Variants in AGBL1 observed in about 807,000 individuals in gnomAD.
AGBL1 encodes AGBL carboxypeptidase 1, also known as cytosolic carboxypeptidase 4.
In AGBL1, 130 loss-of-function variants were observed where a neutral mutation model predicts 118.9. The observed-to-expected ratio is 1.09, with a 90% CI of 0.95 to 1.26. The LOEUF (loss-of-function observed/expected upper bound fraction) is 1.26. AGBL1 is among the 50% of genes most tolerant of loss of function. AGBL1 has a pLI of 0.00. For synonymous variants in AGBL1, 555 were observed against 478.9 expected (o/e 1.16, Z -2.08); for missense variants, 1,584 against 1,298.1 (o/e 1.22, Z -3.38).
intron 18 of AGBL1, among the ~76,000 whole-genome samples, chr15:86,465,682 C>G (rs1367258032): frequency 6.6e-6 from 1 of 152,130 alleles, no homozygotes; most frequent in Non-Finnish European, 1.5e-5. Context: ...CTCCTGCACA[C>G]CCCCAGGCTT....
intron 18 of AGBL1, among the ~76,000 whole-genome samples, chr15:86,505,815 T>C (rs116253653): frequency 0.022 from 3,402 of 152,112 alleles, 69 homozygotes; most frequent in Middle Eastern, 0.071. Flanking sequence ...ATTTTCTGTG[T>C]ATAGCCTATG....
chr15:86,719,554 C>G (rs2086686347), intron 22 of AGBL1, among the ~76,000 whole-genome samples: 1 of 152,098 alleles, frequency 6.6e-6, no homozygotes, highest in African/African-American at 2.4e-5. Context: ...CATCCTGAAG[C>G]TTTTCTCTCA....
chr15:86,539,539 A>C (rs2083467255), intron 19 of AGBL1, among the ~76,000 whole-genome samples: 1 of 152,174 alleles, frequency 6.6e-6, no homozygotes, highest in Non-Finnish European at 1.5e-5. Flanking sequence ...ACCTTCAAGA[A>C]AATGTCTCAA....
chr15:86,532,199 A>C (rs2083359459), intron 19 of AGBL1, among the ~76,000 whole-genome samples: 1 of 150,146 alleles, frequency 6.7e-6, no homozygotes, highest in South Asian at 2.1e-4. Context: ...ATGATTGTTT[A>C]TCTAGAAAAC....
At chr15:86,428,180 G>A (rs369191293) in intron 18 of AGBL1, among the ~76,000 whole-genome samples, 12 of 152,166 alleles carry the variant, frequency 7.9e-5, no homozygotes, top group African/African-American at 2.9e-4. Context: ...CATGAAGGTG[G>A]AATTTTACAT....
intron 22 of AGBL1, among the ~76,000 whole-genome samples, chr15:86,869,235 A>T (rs1162577139): frequency 6.6e-6 from 1 of 152,142 alleles, no homozygotes; most frequent in South Asian, 2.1e-4. Flanking sequence ...GGTGGGAGAT[A>T]GAGACACAAG....
intron 22 of AGBL1, among the ~76,000 whole-genome samples, chr15:86,761,625 T>C (rs1238716850): frequency 6.6e-6 from 1 of 152,106 alleles, no homozygotes; most frequent in Non-Finnish European, 1.5e-5. Context: ...ATTTGGCATA[T>C]AAAAAAGAGG....
intron 17 of AGBL1, among the ~76,000 whole-genome samples, chr15:86,389,799 GA>G (rs571145584): frequency 9.9e-5 from 15 of 150,794 alleles, no homozygotes; most frequent in African/African-American, 3.2e-4. Flanking sequence ...TAATAGAGGA[GA>G]AAAAAGAAAC....
chr15:86,244,051 ATAG>A (rs542176724), intron 6 of AGBL1, among the ~76,000 whole-genome samples: 9 of 101,412 alleles, frequency 8.9e-5, no homozygotes, highest in Middle Eastern at 3.8e-3. Context: ...AGATAGATAG[ATAG>A]ATAAATAAGT....
intron 6 of AGBL1, among the ~76,000 whole-genome samples, chr15:86,234,762 T>C (rs892133138): frequency 6.6e-6 from 1 of 152,142 alleles, no homozygotes; most frequent in African/African-American, 2.4e-5. Context: ...CAAGGTGATG[T>C]TTAAAAGAGT....
At chr15:86,683,503 C>T (rs2085999000) in intron 22 of AGBL1, among the ~76,000 whole-genome samples, 1 of 152,100 alleles carries the variant, frequency 6.6e-6, no homozygotes, top group African/African-American at 2.4e-5. Flanking sequence ...GCCTATTTTA[C>T]AAGTGACTCC....
At chr15:86,143,169 G>A (rs1800207896) in intron 2 of AGBL1, among the ~76,000 whole-genome samples, 1 of 152,134 alleles carries the variant, frequency 6.6e-6, no homozygotes, top group African/African-American at 2.4e-5. Flanking sequence ...TAGGATGATT[G>A]GATGTTTCTT....
chr15:86,126,188 G>T (rs1288637147), intron 1 of AGBL1, among the ~76,000 whole-genome samples: 1 of 151,558 alleles, frequency 6.6e-6, no homozygotes, highest in Non-Finnish European at 1.5e-5. Context: ...TTATAACCAC[G>T]CCTGCTGACA....
intron 22 of AGBL1, among the ~76,000 whole-genome samples, chr15:86,807,143 G>T (rs1462653751): frequency 1.3e-5 from 2 of 152,128 alleles, no homozygotes; most frequent in Non-Finnish European, 2.9e-5. Flanking sequence ...GGTGGGTAAA[G>T]ATCTAAATAA....
At chr15:86,828,499 T>C (rs982492102) in intron 22 of AGBL1, among the ~76,000 whole-genome samples, 7 of 152,156 alleles carry the variant, frequency 4.6e-5, no homozygotes, top group Middle Eastern at 3.4e-3. Flanking sequence ...GAAAGCACTG[T>C]GGTGACAGGA....
At chr15:86,333,585 G>T (rs989194109) in intron 17 of AGBL1, among the ~76,000 whole-genome samples, 13 of 152,114 alleles carry the variant, frequency 8.5e-5, no homozygotes, top group African/African-American at 2.7e-4. Flanking sequence ...TGGATTCACA[G>T]CAGAATTCTA....
intron 17 of AGBL1, among the ~76,000 whole-genome samples, chr15:86,395,339 C>T (rs140754584): frequency 6.6e-6 from 1 of 152,106 alleles, no homozygotes; most frequent in Non-Finnish European, 1.5e-5. Context: ...TCAGAAGACC[C>T]TCCTCACCGT....
intron 1 of AGBL1, among the ~76,000 whole-genome samples, chr15:86,127,512 C>G (rs1345937706): frequency 6.6e-6 from 1 of 152,112 alleles, no homozygotes; most frequent in Non-Finnish European, 1.5e-5. Flanking sequence ...TCCCAGGTAG[C>G]AAGGGAAAGA....
intron 16 of AGBL1, among the ~76,000 whole-genome samples, chr15:86,283,895 A>G (rs2079397065): frequency 6.6e-6 from 1 of 152,104 alleles, no homozygotes. Context: ...ACAGGCCTAG[A>G]TTTTAGTCTA....
Sources: allele counts gnomAD v4.1 joint callset (sites outside exome capture counted in the v4.1 genomes callset), GRCh38; gene constraint gnomAD v4.1.1; transcripts MANE v1.5; gene names NCBI Gene and HGNC (gene_info 2026-07-23, HGNC 2026-07-21).